PIK3AP1: variants seen among roughly 807,000 people sequenced by gnomAD.
PIK3AP1 encodes phosphoinositide-3-kinase adaptor protein 1, also known as phosphoinositide 3-kinase adapter protein 1.
Under a neutral mutation model 88.1 loss-of-function variants are expected in PIK3AP1, and 21 were observed. That is an observed-to-expected ratio of 0.24 (90% CI 0.17 to 0.34). The LOEUF (loss-of-function observed/expected upper bound fraction) is 0.34, where lower values mean the gene tolerates loss of function less well. PIK3AP1 is among the 10% of genes least tolerant of loss of function. The probability of loss-of-function intolerance (pLI) is 1.00; values close to 1 mark genes in which losing one functional copy is unlikely to be tolerated. For synonymous variants in PIK3AP1, 398 were observed against 400.0 expected, an observed-to-expected ratio of 1.00 and a Z score of 0.06; for missense variants, 828 against 1,035.7, an observed-to-expected ratio of 0.80 and a Z score of 2.75.
intron 1 of PIK3AP1, among the ~76,000 whole-genome samples, chr10:96,717,022 G>GATTAC (rs1844510738): frequency 2.0e-5 from 3 of 152,148 alleles, no homozygotes; most frequent in African/African-American, 7.2e-5. Flanking sequence ...AGCACTTTGG[G>GATTAC]AGGCTAAGGA....
chr10:96,693,863 A>C (rs1223774206), intron 2 of PIK3AP1, among the ~76,000 whole-genome samples: 1 of 152,252 alleles, frequency 6.6e-6, no homozygotes, highest in East Asian at 1.9e-4. Flanking sequence ...GTAAAATGCT[A>C]ATTTTAAAAT....
intron 3 of PIK3AP1, 102 bp from the exon 4 acceptor site, chr10:96,652,944 G>A (rs919707172): frequency 5.4e-5 from 73 of 1,344,058 alleles, no homozygotes; most frequent in Non-Finnish European, 7.2e-5. Context: ...TCTACCTAGT[G>A]AGAATCTCTG....
intron 8 of PIK3AP1, among the ~76,000 whole-genome samples, chr10:96,636,007 A>G (rs936545285): frequency 2.6e-5 from 4 of 152,132 alleles, no homozygotes; most frequent in African/African-American, 9.7e-5. Context: ...GGAGTTTGAG[A>G]CCAGCCTGGC....
intron 10 of PIK3AP1, among the ~76,000 whole-genome samples, chr10:96,625,202 TG>T (rs1350494486): frequency 6.6e-6 from 1 of 152,334 alleles, no homozygotes; most frequent in East Asian, 1.9e-4. Context: ...TGTCAGGCAC[TG>T]GTTGAGGGCA....
intron 2 of PIK3AP1, among the ~76,000 whole-genome samples, chr10:96,683,365 C>T (rs540063534): frequency 6.6e-6 from 1 of 152,312 alleles, no homozygotes; most frequent in East Asian, 1.9e-4. Context: ...AAATGTTTCT[C>T]ACTCTATGAG....
At chr10:96,618,065 G>C (rs1409617375) in intron 12 of PIK3AP1, among the ~76,000 whole-genome samples, 1 of 152,186 alleles carries the variant, frequency 6.6e-6, no homozygotes, top group Non-Finnish European at 1.5e-5. Context: ...CCCCTGAAGG[G>C]GAGATGCTCA....
At chr10:96,682,140 G>GAT (rs1173507012) in intron 2 of PIK3AP1, among the ~76,000 whole-genome samples, 1 of 152,086 alleles carries the variant, frequency 6.6e-6, no homozygotes, top group East Asian at 1.9e-4. Flanking sequence ...CCTGTTCATA[G>GAT]ATCAGTTACT....
chr10:96,686,635 A>G (rs1844072179), intron 2 of PIK3AP1, among the ~76,000 whole-genome samples: 1 of 152,054 alleles, frequency 6.6e-6, no homozygotes, highest in Non-Finnish European at 1.5e-5. Flanking sequence ...CATGATATTC[A>G]CCCAGTCAGC....
At chr10:96,691,905 C>T (rs190701537) in intron 2 of PIK3AP1, among the ~76,000 whole-genome samples, 187 of 152,298 alleles carry the variant, frequency 1.2e-3, no homozygotes, top group African/African-American at 4.3e-3. Context: ...TCTCTGCTTG[C>T]TTAATCTTGG....
At chr10:96,621,497 C>T (rs918133951) in intron 11 of PIK3AP1, 1 of 152,372 alleles carries the variant, frequency 6.6e-6, no homozygotes, top group Non-Finnish European at 1.5e-5. Context: ...TCTCCCAGGA[C>T]TTGATCTTCA....
At chr10:96,651,129 A>T in intron 6 of PIK3AP1, 119 bp downstream of exon 6, 1 of 1,327,044 alleles carries the variant, frequency 7.5e-7, no homozygotes, top group Non-Finnish European at 1.1e-6. Flanking sequence ...AGGATAGGTT[A>T]TAGAGAAGGG....
At chr10:96,615,961 A>C (rs1323908113) in intron 13 of PIK3AP1, among the ~76,000 whole-genome samples, 2 of 152,200 alleles carry the variant, frequency 1.3e-5, no homozygotes, top group African/African-American at 2.4e-5. Flanking sequence ...CTTCTCCTGC[A>C]TGCTCCTCTT....
Position 96,652,776 on chromosome 10 carries a change from A to G in PIK3AP1, c.634T>C (p.Phe212Leu), listed in dbSNP as rs1269367177. 6.2e-7 allele frequency: 1 copy of G among 1,613,960 alleles called. No individual in the cohort carries two copies. The highest frequency in any genetic ancestry group is 2.2e-5 in the East Asian group (1 of 44,862). ...ACAGAGGGAGAATCCTCAGGAGAAAACTCTGCTTCTGTCGCCACCCTGTCA... is the reference window on the plus strand; with the variant it reads ...ACAGAGGGAGAATCCTCAGGAGAAAGCTCTGCTTCTGTCGCCACCCTGTCA... The part of the protein sequence containing the change: ...LDDRVATEAE[F>L]SPEDSPSVRM... The change falls in exon 4 of 17, where the codon TTT (phenylalanine) becomes CTT (leucine). Residue 212 changes from phenylalanine (F) to leucine (L), a missense_variant. Phe to Leu is a conservative substitution (Grantham distance 22, BLOSUM62 0). Transcript: ENST00000339364.
intron 7 of PIK3AP1, among the ~76,000 whole-genome samples, chr10:96,648,127 C>T (rs1332928254): frequency 6.6e-6 from 1 of 152,136 alleles, no homozygotes; most frequent in Non-Finnish European, 1.5e-5. Context: ...GATGCCTTTC[C>T]AGGTGCACAG....
In PIK3AP1 at chr10:96,678,350, G is replaced by A. The variant is rs531247317; in HGVS notation, c.431-21416C>T. 8.5e-5 allele frequency among the ~76,000 whole-genome samples: 13 copies of A among 152,228 alleles called. No individual in the cohort carries two copies. The South Asian group carries it at 2.3e-3, about 27-fold the overall frequency. ...CTAGGGAGGCTGAGGCAAGAGAATC[G>A]CTTGAACCCAGGAGGCGGAGGTTGC... On this transcript the variant is annotated intron_variant, in intron 2 of 16. Transcript: ENST00000339364.
chr10:96,595,694 A>G, intron 16 of PIK3AP1, 60 bp from the exon 17 acceptor site: 1 of 1,551,414 alleles, frequency 6.4e-7, no homozygotes, highest in African/African-American at 1.4e-5. Context: ...AGTTCTTAGG[A>G]ATGCACAATT....
chr10:96,710,483 A>G (rs1844424659), intron 1 of PIK3AP1, among the ~76,000 whole-genome samples: 1 of 152,122 alleles, frequency 6.6e-6, no homozygotes, highest in African/African-American at 2.4e-5. Context: ...CTGCCTCCCA[A>G]AGTGCTGGGA....
intron 2 of PIK3AP1, among the ~76,000 whole-genome samples, chr10:96,686,605 A>G (rs1325257069): frequency 1.3e-5 from 2 of 152,138 alleles, no homozygotes; most frequent in Non-Finnish European, 2.9e-5. Flanking sequence ...CACAGTATCC[A>G]CAAGAGCACC....
chr10:96,603,927 C>T (rs1274383720), intron 15 of PIK3AP1, 52 bp downstream of exon 15: 28 of 1,448,982 alleles, frequency 1.9e-5, no homozygotes, highest in Admixed American at 1.1e-4. Flanking sequence ...CTATCTCTTG[C>T]GATGAAACGA....
Sources: gnomAD v4.1 joint callset for allele counts (sites outside exome capture counted in the v4.1 genomes callset) on GRCh38, gnomAD v4.1.1 for gene constraint, MANE v1.5 for transcripts, NCBI Gene and HGNC (gene_info 2026-07-23, HGNC 2026-07-21) for gene names.